PIGN: variants seen among roughly 807,000 people sequenced by gnomAD.
PIGN encodes GPI ethanolamine phosphate transferase 1.
Under a neutral mutation model 125.4 loss-of-function variants are expected in PIGN, and 117 were observed. The observed-to-expected ratio is 0.93, with a 90% CI of 0.80 to 1.09. PIGN has a LOEUF of 1.09. PIGN is among the 50% of genes least tolerant of loss of function. The pLI is 0.00. For missense variants in PIGN, 1,075 were observed against 1,094.9 expected (o/e 0.98, Z 0.26); for synonymous variants, 392 against 377.8 (o/e 1.04, Z -0.44).
chr18:62,105,087 G>C (rs1339184366), intron 20 of PIGN: 1 of 152,264 alleles, frequency 6.6e-6, no homozygotes, highest in Non-Finnish European at 1.5e-5. Context: ...TCCTCCCATG[G>C]AGATCTTTAC....
At chr18:62,153,230 T>C (rs1035232695) in intron 7 of PIGN, among the ~76,000 whole-genome samples, 5 of 152,212 alleles carry the variant, frequency 3.3e-5, no homozygotes, top group African/African-American at 1.2e-4. Context: ...CCAGCACAGA[T>C]TAGAATTTTC....
chr18:62,167,107 C>A (rs1428450779), intron 1 of PIGN, among the ~76,000 whole-genome samples: 5 of 152,030 alleles, frequency 3.3e-5, no homozygotes, highest in Admixed American at 2.6e-4. Flanking sequence ...ATCTCTTCCA[C>A]TAGAATGTAA....
At chr18:62,181,485 C>G (rs1003524656) in intron 1 of PIGN, among the ~76,000 whole-genome samples, 3 of 152,098 alleles carry the variant, frequency 2.0e-5, no homozygotes, top group Admixed American at 6.6e-5. Flanking sequence ...TCTTCATTTT[C>G]TAAGCAACCT....
intron 1 of PIGN, among the ~76,000 whole-genome samples, chr18:62,176,085 T>C (rs2037515751): frequency 6.6e-6 from 1 of 152,132 alleles, no homozygotes; most frequent in Admixed American, 6.5e-5. Flanking sequence ...ATGAGATATA[T>C]AACTAGGCTA....
chr18:62,072,900 A>C (rs1409017383), intron 29 of PIGN, among the ~76,000 whole-genome samples, 175 bp from the exon 30 acceptor site: 2 of 152,218 alleles, frequency 1.3e-5, no homozygotes, highest in Non-Finnish European at 2.9e-5. Flanking sequence ...AATTAGCAGT[A>C]GTCTAAAATC....
At chr18:62,085,646 C>T (rs971145202) in intron 25 of PIGN, among the ~76,000 whole-genome samples, 6 of 152,172 alleles carry the variant, frequency 3.9e-5, no homozygotes, top group Non-Finnish European at 8.8e-5. Flanking sequence ...TCTATATATG[C>T]TTGCCGTAAA....
chr18:62,082,909 A>C (rs1381867225), intron 27 of PIGN, among the ~76,000 whole-genome samples, 163 bp from the exon 28 acceptor site: 2 of 152,142 alleles, frequency 1.3e-5, no homozygotes. Flanking sequence ...TACCAATGGC[A>C]CATAGAACGG....
At chr18:62,181,664 G>A (rs762918718) in intron 1 of PIGN, among the ~76,000 whole-genome samples, 21 of 151,636 alleles carry the variant, frequency 1.4e-4, no homozygotes, top group Non-Finnish European at 2.5e-4. Context: ...TACTCACCTC[G>A]GCCTCCTAAA....
At chr18:62,055,103 G>A (rs1257285374) in intron 30 of PIGN, among the ~76,000 whole-genome samples, 1 of 152,188 alleles carries the variant, frequency 6.6e-6, no homozygotes, top group Non-Finnish European at 1.5e-5. Context: ...AACCACTCTG[G>A]TGGCAGTTTC....
chr18:62,032,295 A>G (rs2030203622), intron 23 of PIGN, among the ~76,000 whole-genome samples: 5 of 152,206 alleles, frequency 3.3e-5, no homozygotes, highest in Admixed American at 3.3e-4. Flanking sequence ...GCAAACTTCA[A>G]TTGCTTAAAA....
intron 7 of PIGN, chr18:62,153,938 A>G (rs1049720970): frequency 1.3e-5 from 2 of 152,196 alleles, no homozygotes; most frequent in Non-Finnish European, 2.9e-5. Context: ...CTGGTAAAAG[A>G]AGAGAGCCAA....
At chr18:62,128,032 C>T (rs1408113949) in intron 14 of PIGN, among the ~76,000 whole-genome samples, 2 of 152,114 alleles carry the variant, frequency 1.3e-5, no homozygotes, top group Admixed American at 1.3e-4. Flanking sequence ...TTTTCTAACT[C>T]TTGGTTTAGG....
At chr18:62,094,399 A>T (rs2034091989) in intron 23 of PIGN, among the ~76,000 whole-genome samples, 1 of 152,178 alleles carries the variant, frequency 6.6e-6, no homozygotes, top group African/African-American at 2.4e-5. Flanking sequence ...GGACGCTTTC[A>T]AACATTTATT....
chr18:62,177,881 G>A (rs1437334127), intron 1 of PIGN, among the ~76,000 whole-genome samples: 1 of 152,146 alleles, frequency 6.6e-6, no homozygotes, highest in Non-Finnish European at 1.5e-5. Flanking sequence ...GCTCTCAGCT[G>A]AAGTACTCTC....
In PIGN at chr18:62,154,665, T is replaced by C; in HGVS notation, c.443-14A>G. ...CTCCACTAGCACCTGAAAAGAAAAT[T>C]TGGAAAAAATAATCTTTTTACAAAA... On this transcript the variant is annotated splice_polypyrimidine_tract_variant and intron_variant, in intron 6 of 30. Transcript: ENST00000640252. 5 of 1,134,898 alleles carry C rather than the reference T, an allele frequency of 4.4e-6. No individual in the cohort carries two copies. Among genetic ancestry groups the C allele is most frequent in the East Asian group, 2.4e-5 (1 of 42,488 alleles). 70.3% of individuals were successfully genotyped at this position (1,134,898 alleles called of 1,614,324 possible).
chr18:62,077,373 A>AAAACAAAC (rs372819340), intron 28 of PIGN, among the ~76,000 whole-genome samples: 2 of 152,054 alleles, frequency 1.3e-5, no homozygotes, highest in African/African-American at 4.8e-5. Context: ...ACTCTGCCTC[A>AAAACAAAC]AAACAAACAA....
chr18:62,143,205 G>T, intron 11 of PIGN, 101 bp downstream of exon 11: 2 of 671,072 alleles, frequency 3.0e-6, no homozygotes, highest in South Asian at 3.9e-5. Flanking sequence ...TTTTGAAAAA[G>T]ACTTTGTCAA....
At chr18:62,055,739 A>C (rs1389818345) in intron 30 of PIGN, among the ~76,000 whole-genome samples, 1 of 151,984 alleles carries the variant, frequency 6.6e-6, no homozygotes, top group Non-Finnish European at 1.5e-5. Context: ...TTTAATTAAA[A>C]ATTTTTTTTA....
chr18:62,137,241 T>C, intron 14 of PIGN: 3 of 405,426 alleles, frequency 7.4e-6, no homozygotes, highest in East Asian at 3.6e-5. Flanking sequence ...TTTTAGACTC[T>C]TGGACTTACA....
Sources: allele counts gnomAD v4.1 joint callset (sites outside exome capture counted in the v4.1 genomes callset), GRCh38; gene constraint gnomAD v4.1.1; transcripts MANE v1.5; gene names NCBI Gene and HGNC (gene_info 2026-07-23, HGNC 2026-07-21).